The following TASP1 variants were observed in gnomAD, a reference collection of about 807,000 sequenced individuals.
TASP1 encodes taspase 1, also known as threonine aspartase 1.
Under a neutral mutation model 56.6 loss-of-function variants are expected in TASP1, and 16 were observed. The ratio of observed to expected loss-of-function variants is 0.28; its 90% CI spans 0.19 to 0.43. The LOEUF is 0.43. Among genes scored for constraint, TASP1 ranks in the 20% least tolerant of loss-of-function variants. TASP1 has a pLI of 1.00. For synonymous variants in TASP1, 179 were observed against 184.2 expected (o/e 0.97, Z 0.23); for missense variants, 393 against 511.6 (o/e 0.77, Z 2.24).
At chr20:13,446,933 T>C (rs1273298326) in intron 11 of TASP1, among the ~76,000 whole-genome samples, 1 of 152,182 alleles carries the variant, frequency 6.6e-6, no homozygotes, top group Non-Finnish European at 1.5e-5. Flanking sequence ...TAGTATCCTA[T>C]TGATGGACAT....
At chr20:13,107,160 G>C in the TASP1 span, among the ~76,000 whole-genome samples, 1 of 152,176 alleles carries the variant, frequency 6.6e-6, no homozygotes, top group African/African-American at 2.4e-5. Context: ...ACAAACGTCT[G>C]GGCCCTGACC....
Position 13,398,060 on chromosome 20 carries a change from T to G in TASP1, c.1171-7608A>C, listed in dbSNP as rs537686900. Among the ~76,000 whole-genome samples, 4 of 152,210 alleles carry G rather than the reference T, an allele frequency of 2.6e-5. 1 individual carries two copies. In the South Asian group the frequency reaches 8.3e-4, roughly 32 times the overall value. On this transcript the variant is annotated intron_variant, in intron 13 of 13. Transcript: ENST00000337743. Reference sequence around the variant, plus strand: ...CAGATAACATGAATCTTACTATAGTTTGAAAAGAGCATCTTCTATTTGAAA... The same window carrying G: ...CAGATAACATGAATCTTACTATAGTGTGAAAAGAGCATCTTCTATTTGAAA...
At chr20:13,541,400 C>A (rs745465217) in intron 8 of TASP1, among the ~76,000 whole-genome samples, 1 of 152,138 alleles carries the variant, frequency 6.6e-6, no homozygotes, top group African/African-American at 2.4e-5. Flanking sequence ...ATAAATAAAT[C>A]CAATGAGTTC....
intron 11 of TASP1, among the ~76,000 whole-genome samples, chr20:13,445,089 T>A (rs1207655970): frequency 6.6e-6 from 1 of 152,178 alleles, no homozygotes; most frequent in Non-Finnish European, 1.5e-5. Flanking sequence ...AAGAGTCACC[T>A]TATTTCAGAA....
At position 13,528,517 on chromosome 20, in the gene TASP1, GA is replaced by G; in HGVS notation, c.796-7del. The G allele has an allele frequency of 6.2e-7, 1 of 1,600,370 alleles. No individual in the cohort carries two copies. Among genetic ancestry groups the G allele is most frequent in the Middle Eastern group, 1.7e-4 (1 of 6,000 alleles). On this transcript the variant is annotated splice_region_variant and splice_polypyrimidine_tract_variant and intron_variant, in intron 9 of 13. Transcript: ENST00000337743. Reference sequence around the variant, plus strand: ...CCACATCCATAAAGAGCAGCCTGGGGAAAAAAGAAAATAGATATAATATTTC... The same window carrying G: ...CCACATCCATAAAGAGCAGCCTGGGGAAAAAGAAAATAGATATAATATTTC...
At chr20:13,501,924 G>A (rs1041360901) in intron 10 of TASP1, among the ~76,000 whole-genome samples, 2 of 151,828 alleles carry the variant, frequency 1.3e-5, no homozygotes, top group African/African-American at 2.4e-5. Flanking sequence ...ATTATCCAGA[G>A]ACAAAGAGAA....
At chr20:13,449,325 T>C (rs1600830936) in intron 11 of TASP1, among the ~76,000 whole-genome samples, 1 of 152,106 alleles carries the variant, frequency 6.6e-6, no homozygotes, top group East Asian at 1.9e-4. Flanking sequence ...ACATTATACA[T>C]TTAGTTATTG....
chr20:13,554,810 C>T (rs2046100530), intron 8 of TASP1, among the ~76,000 whole-genome samples: 1 of 152,206 alleles, frequency 6.6e-6, no homozygotes. Context: ...TCTGAACCTT[C>T]AGCAAGCAAT....
chr20:13,528,644 G>A, intron 9 of TASP1, 133 bp from the exon 10 acceptor site: 2 of 642,104 alleles, frequency 3.1e-6, no homozygotes, highest in Non-Finnish European at 2.6e-6. Context: ...AATACCAGAT[G>A]TTGTATAAGA....
the TASP1 span, among the ~76,000 whole-genome samples, chr20:13,216,168 C>T: frequency 2.6e-5 from 4 of 152,300 alleles, no homozygotes; most frequent in East Asian, 7.7e-4. Context: ...AATGTGGAGT[C>T]CTGTATCGAT....
intron 4 of TASP1, among the ~76,000 whole-genome samples, chr20:13,611,030 A>G (rs1439365247): frequency 6.6e-6 from 1 of 152,264 alleles, no homozygotes; most frequent in African/African-American, 2.4e-5. Flanking sequence ...AAAAAAAATT[A>G]GATGGACTGG....
the TASP1 span, among the ~76,000 whole-genome samples, chr20:13,201,594 G>T: frequency 6.7e-6 from 1 of 149,062 alleles, no homozygotes; most frequent in African/African-American, 2.5e-5. Context: ...AAAAAAAAAG[G>T]CAATGAGAAG....
chr20:13,476,803 G>C (rs748792331), intron 11 of TASP1, among the ~76,000 whole-genome samples: 2 of 152,112 alleles, frequency 1.3e-5, no homozygotes, highest in Non-Finnish European at 2.9e-5. Context: ...GTTTGGACAT[G>C]TGAGTATAAC....
At chr20:13,600,180 G>C (rs931698610) in intron 4 of TASP1, among the ~76,000 whole-genome samples, 2 of 152,142 alleles carry the variant, frequency 1.3e-5, no homozygotes, top group African/African-American at 4.8e-5. Context: ...GGAAAATTCA[G>C]TATTATTAAA....
chr20:13,461,337 A>G (rs990368114), intron 11 of TASP1, among the ~76,000 whole-genome samples: 7 of 152,160 alleles, frequency 4.6e-5, no homozygotes, highest in African/African-American at 1.7e-4. Context: ...TTACCTATTT[A>G]TTTATTGTCT....
At chr20:13,550,299 A>G (rs1468673540) in intron 8 of TASP1, among the ~76,000 whole-genome samples, 2 of 152,050 alleles carry the variant, frequency 1.3e-5, no homozygotes, top group Non-Finnish European at 2.9e-5. Flanking sequence ...ATATACTGAA[A>G]ACAAATGCCA....
chr20:13,524,404 T>C (rs1399468191), intron 10 of TASP1, among the ~76,000 whole-genome samples: 1 of 152,136 alleles, frequency 6.6e-6, no homozygotes, highest in African/African-American at 2.4e-5. Context: ...TAAAATCCTA[T>C]TTAAAGAAAG....
At chr20:13,399,143 T>G (rs2041649678) in intron 13 of TASP1, among the ~76,000 whole-genome samples, 1 of 152,114 alleles carries the variant, frequency 6.6e-6, no homozygotes. Flanking sequence ...TCTCACCTGG[T>G]TCTCCTCTGA....
the TASP1 span, among the ~76,000 whole-genome samples, chr20:13,203,006 G>A: frequency 6.6e-6 from 1 of 152,210 alleles, no homozygotes; most frequent in African/African-American, 2.4e-5. Flanking sequence ...CACAATGAAT[G>A]TTTGTGGAAT....
Sources: gnomAD v4.1 joint callset for allele counts (sites outside exome capture counted in the v4.1 genomes callset) on GRCh38, gnomAD v4.1.1 for gene constraint, MANE v1.5 for transcripts, NCBI Gene and HGNC (gene_info 2026-07-23, HGNC 2026-07-21) for gene names.